Variants in DPYSL2 observed in about 807,000 individuals in gnomAD.
DPYSL2 encodes the protein dihydropyrimidinase-related protein 2.
DPYSL2 carries 13 observed loss-of-function variants against 69.9 expected under a neutral mutation model. The ratio of observed to expected loss-of-function variants is 0.19; its 90% CI spans 0.12 to 0.30. The LOEUF (loss-of-function observed/expected upper bound fraction) is 0.30, where lower values mean the gene tolerates loss of function less well. Ranked by LOEUF, DPYSL2 falls within the 10% of genes least tolerant of loss-of-function variation. DPYSL2 has a pLI of 1.00. For missense variants in DPYSL2, 587 were observed against 918.9 expected (o/e 0.64, Z 4.67); for synonymous variants, 326 against 359.1 (o/e 0.91, Z 1.04).
chr8:26,577,191 C>A (rs1801368648), intron 1 of DPYSL2: 1 of 441,476 alleles, frequency 2.3e-6, no homozygotes, highest in South Asian at 1.6e-5. Context: ...CCACGCGGGC[C>A]AGATCCCGTC....
At position 26,648,644 on chromosome 8, in the gene DPYSL2, G is replaced by T. The variant is rs1014938407; in HGVS notation, c.1596+844G>T. On this transcript the variant is annotated intron_variant, in intron 11 of 13. Transcript: ENST00000521913. This position sits in a 1 kb window ranked among gnomAD's most constrained non-coding sequence, Gnocchi z 4.3. ...TGGGCCTCGGGCAGAAGAGTTTCGTGTCAGGAACTCATTTGAATCTTGAAG... is the reference window on the plus strand; with the variant it reads ...TGGGCCTCGGGCAGAAGAGTTTCGTTTCAGGAACTCATTTGAATCTTGAAG... 2.8e-4 allele frequency among the ~76,000 whole-genome samples: 42 copies of T among 152,364 alleles called. No homozygotes were observed. The highest frequency in any genetic ancestry group is 9.9e-4 in the African/African-American group (41 of 41,590).
At chr8:26,574,442 C>T (rs1332598799) in intron 1 of DPYSL2, among the ~76,000 whole-genome samples, 1 of 152,210 alleles carries the variant, frequency 6.6e-6, no homozygotes, top group Non-Finnish European at 1.5e-5. Context: ...ATCCTCCCTT[C>T]CTGCACACCA....
chr8:26,553,498 G>A (rs1336931636), intron 1 of DPYSL2, among the ~76,000 whole-genome samples: 1 of 152,086 alleles, frequency 6.6e-6, no homozygotes, highest in Non-Finnish European at 1.5e-5. Flanking sequence ...CTGTTCCTCT[G>A]TTAGTTTGCT....
chr8:26,552,542 G>A (rs886485793), intron 1 of DPYSL2, among the ~76,000 whole-genome samples: 5 of 152,158 alleles, frequency 3.3e-5, no homozygotes, highest in African/African-American at 1.2e-4. Flanking sequence ...ATAAAGAAAG[G>A]AAAGTTATTT....
At position 26,514,987 on chromosome 8, in the gene DPYSL2, G is replaced by A. The variant is rs1421236496; in HGVS notation, c.354+308G>A. Among the ~76,000 whole-genome samples, 2 of 152,220 alleles carry A rather than the reference G, an allele frequency of 1.3e-5. No individual in the cohort carries two copies. On this transcript the variant is annotated intron_variant, in intron 1 of 13. Transcript: ENST00000521913. The surrounding 1 kb of genome is among the most constrained non-coding windows in gnomAD (Gnocchi z 8.4). ...GTGGTCGTCTGGGAGGGGGTTGGCC[G>A]CGGTTCCATTCTTCTGAAACCCTCC...
intron 1 of DPYSL2, among the ~76,000 whole-genome samples, chr8:26,567,613 G>A (rs1371707580): frequency 1.3e-5 from 2 of 152,252 alleles, no homozygotes; most frequent in Non-Finnish European, 2.9e-5. Flanking sequence ...CCCCCAGTGG[G>A]GGCATAAGAG....
intron 1 of DPYSL2, among the ~76,000 whole-genome samples, chr8:26,539,966 C>T (rs773766310): frequency 1.3e-5 from 2 of 152,106 alleles, no homozygotes; most frequent in South Asian, 2.1e-4. Context: ...AACAAAAAAT[C>T]AAGGAAACAT....
At chr8:26,638,290 C>T (rs1352643417) in intron 8 of DPYSL2, among the ~76,000 whole-genome samples, 1 of 152,180 alleles carries the variant, frequency 6.6e-6, no homozygotes, top group Non-Finnish European at 1.5e-5. Context: ...AAGGGAGTCT[C>T]AGAGAGGTCA....
chr8:26,532,046 A>G lies in DPYSL2; in HGVS notation c.354+17367A>G, dbSNP rs139157276. 3.3e-5 allele frequency among the ~76,000 whole-genome samples: 5 copies of G among 152,246 alleles called. No individual in the cohort carries two copies. In the East Asian group the frequency reaches 9.7e-4, roughly 29 times the overall value. On this transcript the variant is annotated intron_variant, in intron 1 of 13. Coordinates refer to ENST00000521913, the MANE Select transcript of DPYSL2 (RefSeq NM_001197293.3). ...TTGCTTTTGGTAAGATGTGGAAGCC[A>G]TGATCATGTTTGTGTAGAGAGAGGA...
In DPYSL2 at chr8:26,587,096, GT is replaced by G. The variant is rs1801623564; in HGVS notation, c.628+3116del. On this transcript the variant is annotated intron_variant, in intron 3 of 13. Coordinates refer to ENST00000521913, the MANE Select transcript of DPYSL2 (RefSeq NM_001197293.3). The surrounding 1 kb of genome is among the most constrained non-coding windows in gnomAD (Gnocchi z 4.2). Reference sequence around the variant, plus strand: ...ACTGAGGAATTTTTATCCTTTTTCTGTTTGCTGACCAGACGTTCTGCATTGC... The same window carrying G: ...ACTGAGGAATTTTTATCCTTTTTCTGTTGCTGACCAGACGTTCTGCATTGC... Among the ~76,000 whole-genome samples the G allele has an allele frequency of 6.6e-6, 1 of 152,180 alleles. No homozygotes were observed. Among genetic ancestry groups the G allele is most frequent in the African/African-American group, 2.4e-5 (1 of 41,446 alleles).
intron 3 of DPYSL2, among the ~76,000 whole-genome samples, chr8:26,601,240 C>T (rs1402980839): frequency 2.0e-5 from 3 of 152,132 alleles, no homozygotes; most frequent in Admixed American, 6.5e-5. Flanking sequence ...ATGAGAGCAT[C>T]GCAGAAGGGA....
rs1402348503 is a variant in DPYSL2 at position 26,653,179 on chromosome 8, G to C, written c.1777-53G>C. ...TCCTCCCTCCAGGAGGGTTTCTAGA[G>C]AGGTATCCTCTGTGGCTGTGGCCTG... On this transcript the variant is annotated intron_variant, in intron 12 of 13. Coordinates refer to ENST00000521913, the MANE Select transcript of DPYSL2 (RefSeq NM_001197293.3). The surrounding 1 kb of genome is among the most constrained non-coding windows in gnomAD (Gnocchi z 5.7). 1.3e-6 allele frequency: 2 copies of C among 1,587,078 alleles called. No homozygotes were observed. The highest frequency in any genetic ancestry group is 4.5e-5 in the East Asian group (2 of 44,376).
chr8:26,602,326 A>G (rs953063110), intron 3 of DPYSL2, among the ~76,000 whole-genome samples: 4 of 151,890 alleles, frequency 2.6e-5, no homozygotes, highest in Non-Finnish European at 5.9e-5. Flanking sequence ...TCAACCCGAG[A>G]TCTCTCTCGT....
chr8:26,527,117 G>A (rs1193857064), intron 1 of DPYSL2, among the ~76,000 whole-genome samples: 1 of 152,054 alleles, frequency 6.6e-6, no homozygotes, highest in Non-Finnish European at 1.5e-5. Flanking sequence ...GTTTTGTCTT[G>A]GTCCATCCTG....
rs1801051090 is a variant in DPYSL2 at position 26,560,289 on chromosome 8, A to C, written c.355-21680A>C. 6.6e-6 allele frequency among the ~76,000 whole-genome samples: 1 copy of C among 152,212 alleles called. No homozygotes were observed. Among genetic ancestry groups the C allele is most frequent in the Non-Finnish European group, 1.5e-5 (1 of 68,036 alleles). On this transcript the variant is annotated intron_variant, in intron 1 of 13. Coordinates refer to ENST00000521913, the MANE Select transcript of DPYSL2 (RefSeq NM_001197293.3). The surrounding 1 kb of genome is among the most constrained non-coding windows in gnomAD (Gnocchi z 4.4). ...GTCAGGCCTTCCATGGATTATTTAC[A>C]GAATGAGGAATAAGACAAGCCTTAG... is the stretch of plus-strand genomic sequence containing the variant.
intron 3 of DPYSL2, among the ~76,000 whole-genome samples, chr8:26,603,472 TTTC>T (rs1483442128): frequency 6.6e-6 from 1 of 152,162 alleles, no homozygotes; most frequent in Non-Finnish European, 1.5e-5. Context: ...CGCCCGGCTC[TTTC>T]TTCTTTATTT....
intron 3 of DPYSL2, among the ~76,000 whole-genome samples, chr8:26,608,688 A>G (rs1276732201): frequency 6.6e-6 from 1 of 152,222 alleles, no homozygotes; most frequent in East Asian, 1.9e-4. Flanking sequence ...CTTACTAATC[A>G]ACTGGGGACA....
chr8:26,565,870 G>A lies in DPYSL2; in HGVS notation c.355-16099G>A, dbSNP rs184721136. On this transcript the variant is annotated intron_variant, in intron 1 of 13. Transcript: ENST00000521913. The surrounding 1 kb of genome is among the most constrained non-coding windows in gnomAD (Gnocchi z 4.1). ...AGGTTGTCTGGGCAATCATCATCCCGTCAGCTTGGAGAAAAAGCCTGGAGG... is the reference window on the plus strand; with the variant it reads ...AGGTTGTCTGGGCAATCATCATCCCATCAGCTTGGAGAAAAAGCCTGGAGG... 2.6e-5 allele frequency among the ~76,000 whole-genome samples: 4 copies of A among 152,284 alleles called. No homozygotes were observed. The highest frequency in any genetic ancestry group is 4.4e-5 in the Non-Finnish European group (3 of 68,026).
At chr8:26,551,580 G>A (rs1413712569) in intron 1 of DPYSL2, among the ~76,000 whole-genome samples, 2 of 152,030 alleles carry the variant, frequency 1.3e-5, no homozygotes, top group East Asian at 1.9e-4. Flanking sequence ...TCAACTAAAT[G>A]GATCTAATTG....
Sources: allele counts gnomAD v4.1 joint callset (sites outside exome capture counted in the v4.1 genomes callset), GRCh38; gene constraint gnomAD v4.1.1; non-coding constraint Gnocchi (gnomAD v3.1); transcripts MANE v1.5; gene names NCBI Gene and HGNC (gene_info 2026-07-23, HGNC 2026-07-21).